Variants in DOCK7 observed in about 807,000 individuals in gnomAD.
The protein encoded by DOCK7 is dedicator of cytokinesis protein 7.
DOCK7 carries 138 observed loss-of-function variants against 271.0 expected under a neutral mutation model. The observed-to-expected ratio is 0.51, with a 90% CI of 0.44 to 0.59. DOCK7 has a LOEUF of 0.59. Among genes scored for constraint, DOCK7 ranks in the 20% least tolerant of loss-of-function variants. The pLI, the probability that DOCK7 is intolerant of heterozygous loss-of-function variation, is 0.00. For missense variants in DOCK7, 2,066 were observed against 2,592.4 expected, an observed-to-expected ratio of 0.80 and a Z score of 4.41; for synonymous variants, 823 against 876.1, an observed-to-expected ratio of 0.94 and a Z score of 1.07.
intron 11 of DOCK7, among the ~76,000 whole-genome samples, chr1:62,627,187 T>C (rs1439246871): frequency 6.6e-6 from 1 of 152,184 alleles, no homozygotes; most frequent in Non-Finnish European, 1.5e-5. Flanking sequence ...TAACAGACTT[T>C]CATGATAAAA....
intron 15 of DOCK7, 87 bp downstream of exon 15, chr1:62,586,420 C>G: frequency 1.1e-6 from 1 of 872,376 alleles, no homozygotes; most frequent in Non-Finnish European, 1.8e-6. Flanking sequence ...CATTAATTTC[C>G]AGGTTGCAGT....
chr1:62,545,165 C>A, intron 22 of DOCK7, 126 bp from the exon 23 acceptor site: 1 of 788,492 alleles, frequency 1.3e-6, no homozygotes, highest in Non-Finnish European at 1.9e-6. Context: ...GTTAAAGCAA[C>A]CAAAATTTGT....
At chr1:62,581,094 C>T (rs1319554933) in intron 16 of DOCK7, among the ~76,000 whole-genome samples, 1 of 152,020 alleles carries the variant, frequency 6.6e-6, no homozygotes, top group Non-Finnish European at 1.5e-5. Flanking sequence ...TTTGCCGACC[C>T]CTGGTATACA....
chr1:62,609,355 G>C lies in DOCK7; in HGVS notation c.1682+9351C>G, dbSNP rs562588533. 2.0e-5 allele frequency: 3 copies of C among 152,174 alleles called. No individual in the cohort carries two copies. The South Asian group carries it at 6.2e-4, about 32-fold the overall frequency. The allele number at this position is 152,174 out of a possible 1,614,324, so 9.4% of individuals were successfully genotyped here. A position where few individuals can be genotyped will look rare whatever the true frequency, so the allele number is the denominator to read the frequency against. ...CAGTCATACATCTAATAAAATGACTGGGTATATAATTTGAAAGAGCAATAA... is the reference window on the plus strand; with the variant it reads ...CAGTCATACATCTAATAAAATGACTCGGTATATAATTTGAAAGAGCAATAA... On this transcript the variant is annotated intron_variant, in intron 14 of 49. Coordinates refer to ENST00000635253, the MANE Select transcript of DOCK7 (RefSeq NM_001367561.1).
Position 62,647,710 on chromosome 1 carries a change from C to G in DOCK7, c.799G>C (p.Val267Leu), listed in dbSNP as rs775662715. 3 of 1,606,238 alleles carry G rather than the reference C, an allele frequency of 1.9e-6. No homozygotes were observed. Among genetic ancestry groups the G allele is most frequent in the Admixed American group, 3.4e-5 (2 of 58,382 alleles). ...PKEHFGQRLL[V>L]KCLSLKFEIE... Reference sequence around the variant, plus strand: ...ACTCACTTGAGTGATAAGCATTTTACAAGAAGTCTTTGACCAAAATGTTCT... The same window carrying G: ...ACTCACTTGAGTGATAAGCATTTTAGAAGAAGTCTTTGACCAAAATGTTCT... Residue 267 changes from valine to leucine, a missense_variant, in exon 7 of 50, where the codon GTA (valine) becomes CTA (leucine). Around this residue, in one of 2 missense-constraint regions of DOCK7, gnomAD observed 1,414 missense variants for 1,670.4 expected, o/e 0.85. Coordinates refer to ENST00000635253, the MANE Select transcript of DOCK7 (RefSeq NM_001367561.1).
intron 14 of DOCK7, among the ~76,000 whole-genome samples, chr1:62,596,818 C>T (rs1283826288): frequency 1.2e-4 from 19 of 152,118 alleles, no homozygotes; most frequent in Admixed American, 3.9e-4. Flanking sequence ...GTTCCTTCAA[C>T]GAGCACATGG....
At chr1:62,538,551 C>T (rs1486781031) in intron 27 of DOCK7, among the ~76,000 whole-genome samples, 1 of 152,058 alleles carries the variant, frequency 6.6e-6, no homozygotes, top group East Asian at 1.9e-4. Flanking sequence ...GAGATCAATG[C>T]TTAAAGAATA....
At position 62,631,439 on chromosome 1, in the gene DOCK7, T is replaced by C. The variant is rs551561341; in HGVS notation, c.1117-34A>G. On this transcript the variant is annotated intron_variant, in intron 10 of 49. Transcript: ENST00000635253. ...CAGAACTTTATACATTATATGATTA[T>C]ACTTGAAAGAAATCAGTTAAAGGCT... The C allele has an allele frequency of 1.4e-5, 21 of 1,517,194 alleles. No homozygotes were observed. In the South Asian group the frequency reaches 2.5e-4, roughly 18 times the overall value. 94.0% of individuals were successfully genotyped at this position (1,517,194 alleles called of 1,614,324 possible). A position where few individuals can be genotyped will look rare whatever the true frequency, so the allele number is the denominator to read the frequency against.
At chr1:62,599,296 C>T (rs1649759323) in intron 14 of DOCK7, among the ~76,000 whole-genome samples, 1 of 152,022 alleles carries the variant, frequency 6.6e-6, no homozygotes, top group Non-Finnish European at 1.5e-5. Context: ...ATCAAACATA[C>T]TGCCACCTCA....
chr1:62,656,491 T>A (rs1276601095), intron 2 of DOCK7, among the ~76,000 whole-genome samples: 1 of 151,988 alleles, frequency 6.6e-6, no homozygotes, highest in East Asian at 1.9e-4. Flanking sequence ...TGGGAAAAAA[T>A]AAAGCACATA....
intron 10 of DOCK7, among the ~76,000 whole-genome samples, chr1:62,632,295 G>C (rs1256737356): frequency 2.6e-5 from 4 of 152,138 alleles, no homozygotes; most frequent in African/African-American, 9.7e-5. Context: ...GTAAATATAA[G>C]TAAAAAGCAG....
At chr1:62,629,816 C>T (rs1654402182) in intron 11 of DOCK7, 1 of 152,172 alleles carries the variant, frequency 6.6e-6, no homozygotes, top group South Asian at 2.1e-4. Context: ...AGAGTTAAGT[C>T]CCTACAGCAT....
chr1:62,654,950 G>A (rs1052316611), intron 2 of DOCK7, among the ~76,000 whole-genome samples: 1 of 152,208 alleles, frequency 6.6e-6, no homozygotes, highest in Non-Finnish European at 1.5e-5. Context: ...TGATACTCCA[G>A]GAGAAATCTG....
intron 7 of DOCK7, among the ~76,000 whole-genome samples, chr1:62,639,473 C>T (rs1350219846): frequency 8.8e-6 from 1 of 114,094 alleles, no homozygotes; most frequent in East Asian, 2.6e-4. Flanking sequence ...CTCGCTCTGT[C>T]GCCCAGGCTG....
intron 1 of DOCK7, among the ~76,000 whole-genome samples, chr1:62,669,720 C>T (rs969732365): frequency 6.6e-6 from 1 of 152,250 alleles, no homozygotes; most frequent in African/African-American, 2.4e-5. Flanking sequence ...GAGGTGACAG[C>T]GTGCTGGCAG....
chr1:62,531,211 C>G (rs1297434047), intron 29 of DOCK7, among the ~76,000 whole-genome samples: 1 of 152,208 alleles, frequency 6.6e-6, no homozygotes, highest in Non-Finnish European at 1.5e-5. Flanking sequence ...TCTGTATCAG[C>G]ACTAATGTTT....
At chr1:62,652,839 C>G (rs904520040) in intron 4 of DOCK7, among the ~76,000 whole-genome samples, 1 of 152,110 alleles carries the variant, frequency 6.6e-6, no homozygotes, top group Non-Finnish European at 1.5e-5. Context: ...ATAAAAACAG[C>G]TCTTCTATAT....
Position 62,539,622 on chromosome 1 carries a change from C to T in DOCK7, c.3223G>A (p.Ala1075Thr). 1 of 1,613,782 alleles carries T rather than the reference C, an allele frequency of 6.2e-7. No homozygotes were observed. The highest frequency in any genetic ancestry group is 8.5e-7 in the Non-Finnish European group (1 of 1,179,872). ...EMVERLNTSL[A>T]FFLNDLLSVM... ...GACAACAGATCATTGAGAAAGAATG[C>T]AAGGCTTGTATTGAGTCTCTCAACC... The change falls in exon 27 of 50, where the codon GCA becomes ACA. Residue 1075 changes from alanine to threonine, a missense_variant. Ala to Thr is a moderately conservative substitution (Grantham distance 58). Coordinates refer to ENST00000635253, the MANE Select transcript of DOCK7 (RefSeq NM_001367561.1).
In DOCK7 at chr1:62,625,255, A is replaced by G; in HGVS notation, c.1425+4T>C. 6.2e-7 allele frequency: 1 copy of G among 1,613,796 alleles called. No individual in the cohort carries two copies. Among genetic ancestry groups the G allele is most frequent in the South Asian group, 1.1e-5 (1 of 91,008 alleles). On this transcript the variant is annotated splice_donor_region_variant and intron_variant, in intron 12 of 49. Coordinates refer to ENST00000635253, the MANE Select transcript of DOCK7 (RefSeq NM_001367561.1). ...CCCAAAATTCCTACATGACAGAACA[A>G]TACCTGCTTAAAAAAATTTGTCACT...
Sources: gnomAD v4.1 joint callset for allele counts (sites outside exome capture counted in the v4.1 genomes callset) on GRCh38, gnomAD v4.1.1 for gene constraint, gnomAD v4.1.1 regional missense constraint, MANE v1.5 for transcripts, NCBI Gene and HGNC (gene_info 2026-07-23, HGNC 2026-07-21) for gene names.